RALGDS: variants seen among roughly 807,000 people sequenced by gnomAD.
RALGDS encodes the protein ral guanine nucleotide dissociation stimulator, also known as ral guanine nucleotide exchange factor.
A neutral mutation model predicts 99.8 loss-of-function variants in RALGDS; 44 were observed. The ratio of observed to expected loss-of-function variants is 0.44; its 90% confidence interval spans 0.35 to 0.57. RALGDS has a LOEUF of 0.57. RALGDS is among the 20% of genes least tolerant of loss of function. RALGDS has a pLI of 0.01. For missense variants in RALGDS, 1,022 were observed against 1,203.1 expected (o/e 0.85, Z 2.23); for synonymous variants, 529 against 505.0 (o/e 1.05, Z -0.64).
chr9:133,120,279 C>T (rs879867438), intron 1 of RALGDS, among the ~76,000 whole-genome samples: 13 of 152,178 alleles, frequency 8.5e-5, no homozygotes, highest in Non-Finnish European at 1.9e-4. Flanking sequence ...TGAATCCTAC[C>T]CAGTCCTTAC....
upstream of RALGDS, among the ~76,000 whole-genome samples, chr9:133,122,813 T>G (rs1202712655): frequency 6.6e-6 from 1 of 152,166 alleles, no homozygotes; most frequent in African/African-American, 2.4e-5. Flanking sequence ...CAAGTGATTT[T>G]CCTGCCTCAG....
At chr9:133,120,923 G>A in intron 1 of RALGDS, 49 bp downstream of exon 1, 2 of 1,456,112 alleles carry the variant, frequency 1.4e-6, no homozygotes, top group Non-Finnish European at 1.8e-6. Flanking sequence ...TCTGCCGCGG[G>A]TGGGGAGGCT....
chr9:133,098,103 G>A lies in RALGDS; in HGVS notation c.*484C>T. 1 of 273,112 alleles carries A rather than the reference G, an allele frequency of 3.7e-6. No homozygotes were observed. Among genetic ancestry groups the A allele is most frequent in the Non-Finnish European group, 7.1e-6 (1 of 141,234 alleles). 16.9% of individuals were successfully genotyped at this position (273,112 alleles called of 1,614,324 possible). A position where few individuals can be genotyped will look rare whatever the true frequency, so the allele number is the denominator to read the frequency against. The stretch of plus-strand genomic sequence containing the variant: ...CTCACTCTCAGTTGGCCCTGATGAT[G>A]GAATCTTTGGTGCAGCCTGAGAAAG... On this transcript the variant is annotated 3_prime_UTR_variant, in exon 18 of 18. Transcript: ENST00000372050.
At chr9:133,098,995 C>T (rs563728208) in intron 17 of RALGDS, 16 of 528,346 alleles carry the variant, frequency 3.0e-5, no homozygotes, top group African/African-American at 1.9e-4. Flanking sequence ...GACTCCAGAA[C>T]CCCCCGGCTT....
At chr9:133,099,923 T>C (rs1178166496) in intron 17 of RALGDS, 1 of 357,560 alleles carries the variant, frequency 2.8e-6, no homozygotes, top group East Asian at 6.5e-5. Flanking sequence ...TCCACAGCTG[T>C]CACCATTCTT....
chr9:133,134,203 A>T (rs546115259), upstream of RALGDS, among the ~76,000 whole-genome samples: 4 of 152,298 alleles, frequency 2.6e-5, no homozygotes, highest in Admixed American at 1.3e-4. Flanking sequence ...CTGCCCCTGG[A>T]GGCTGCACCT....
chr9:133,115,352 G>GT (rs1351969759), intron 1 of RALGDS, among the ~76,000 whole-genome samples: 1 of 152,322 alleles, frequency 6.6e-6, no homozygotes, highest in Non-Finnish European at 1.5e-5. Context: ...CTGCACCTCG[G>GT]CCTGCTCCGC....
At chr9:133,110,564 G>C (rs1275065110) in intron 2 of RALGDS, 75 bp from the exon 3 acceptor site, 1 of 1,307,574 alleles carries the variant, frequency 7.6e-7, no homozygotes, top group Non-Finnish European at 1.1e-6. Flanking sequence ...GGAACCCCGA[G>C]CCCTCAGCAG....
At chr9:133,105,011 G>T (rs760052710) in intron 9 of RALGDS, among the ~76,000 whole-genome samples, 2 of 152,164 alleles carry the variant, frequency 1.3e-5, no homozygotes, top group Non-Finnish European at 2.9e-5. Context: ...CAGGGACTCA[G>T]AACAGGCTCT....
At chr9:133,125,337 G>A (rs188078033), upstream of RALGDS, among the ~76,000 whole-genome samples, 134 of 152,334 alleles carry the variant, frequency 8.8e-4, no homozygotes, top group African/African-American at 2.9e-3. Context: ...GCAGTGAGAG[G>A]TGAACAAGAG....
At chr9:133,138,126 C>T (rs1196508606) in intron 1 of RALGDS, among the ~76,000 whole-genome samples, 1 of 152,220 alleles carries the variant, frequency 6.6e-6, no homozygotes, top group Non-Finnish European at 1.5e-5. Flanking sequence ...ACCTCCTAAG[C>T]TGCCCTGGCC....
intron 1 of RALGDS, among the ~76,000 whole-genome samples, chr9:133,117,225 C>G (rs1479999499): frequency 2.6e-5 from 4 of 152,212 alleles, no homozygotes; most frequent in African/African-American, 9.6e-5. Flanking sequence ...GGTCTCTTGT[C>G]TAACTCGAGG....
chr9:133,111,700 C>T (rs1351484298), intron 2 of RALGDS, among the ~76,000 whole-genome samples: 2 of 152,146 alleles, frequency 1.3e-5, no homozygotes, highest in African/African-American at 2.4e-5. Flanking sequence ...AGTCAGGCCC[C>T]GGCTCTCAAC....
intron 1 of RALGDS, among the ~76,000 whole-genome samples, chr9:133,126,540 A>G (rs1310901780): frequency 6.6e-6 from 1 of 152,206 alleles, no homozygotes; most frequent in Non-Finnish European, 1.5e-5. Context: ...CCGGAAGCTG[A>G]CTGCAGCTGC....
intron 16 of RALGDS, chr9:133,101,297 C>T: frequency 7.2e-7 from 1 of 1,394,528 alleles, no homozygotes; most frequent in Non-Finnish European, 9.7e-7. Context: ...AGCACCGCCC[C>T]TTCAGCTCCT....
chr9:133,103,380 A>T, intron 11 of RALGDS, 118 bp from the exon 12 acceptor site: 1 of 1,291,160 alleles, frequency 7.7e-7, no homozygotes. Context: ...ACACCCCTGG[A>T]TTGAAGCCGG....
intron 1 of RALGDS, among the ~76,000 whole-genome samples, chr9:133,141,398 T>C (rs1832518883): frequency 6.6e-6 from 1 of 152,210 alleles, no homozygotes; most frequent in Non-Finnish European, 1.5e-5. Flanking sequence ...GCTCCCGCAG[T>C]GCCCAAGTCT....
chr9:133,101,122 C>G (rs764223210), intron 16 of RALGDS: 4 of 1,136,634 alleles, frequency 3.5e-6, no homozygotes, highest in Non-Finnish European at 4.4e-6. Context: ...GTTGCCACAG[C>G]GGCCTCCTAA....
At position 133,102,584 on chromosome 9, in the gene RALGDS, G is replaced by A. The variant is rs751919569; in HGVS notation, c.1914-13C>T. 14 of 1,613,260 alleles carry A rather than the reference G, an allele frequency of 8.7e-6. No homozygotes were observed. In the South Asian group the frequency reaches 1.2e-4, roughly 14 times the overall value. On this transcript the variant is annotated splice_polypyrimidine_tract_variant and intron_variant, in intron 13 of 17. Coordinates refer to ENST00000372050, the MANE Select transcript of RALGDS (RefSeq NM_006266.4). ...CGACAGGTTGTAGCTATGAGCAGAG[G>A]GGCAGTGGTGTGACAACCAGGGGCC...
Sources: gnomAD v4.1 joint callset for allele counts (sites outside exome capture counted in the v4.1 genomes callset) on GRCh38, gnomAD v4.1.1 for gene constraint, MANE v1.5 for transcripts, NCBI Gene and HGNC (gene_info 2026-07-23, HGNC 2026-07-21) for gene names.